Variants in MCF2 observed in about 807,000 individuals in gnomAD.
The protein encoded by MCF2 is proto-oncogene DBL.
Under a neutral mutation model 82.5 loss-of-function variants are expected in MCF2, and 44 were observed. The observed-to-expected ratio is 0.53, with a 90% CI of 0.42 to 0.69. The LOEUF is 0.69. Among genes scored for constraint, MCF2 ranks in the 30% least tolerant of loss-of-function variants. The probability of loss-of-function intolerance (pLI) is 0.00; values close to 1 mark genes in which losing one functional copy is unlikely to be tolerated. For missense variants in MCF2, 623 were observed against 663.1 expected (o/e 0.94, Z 0.66); for synonymous variants, 217 against 224.9 (o/e 0.96, Z 0.32).
intron 17 of MCF2, among the ~76,000 whole-genome samples, 173 bp downstream of exon 21, chrX:139,598,233 T>C (rs1233508245): frequency 8.9e-6 from 1 of 112,280 alleles, no homozygotes; most frequent in African/African-American, 3.2e-5. Context: ...GCCTATGGCA[T>C]TTGTAGCCAC....
intron 1 of MCF2, among the ~76,000 whole-genome samples, chrX:139,641,200 A>G (rs1038564294): frequency 1.0e-3 from 110 of 107,107 alleles, no homozygotes; most frequent in African/African-American, 3.0e-3. Context: ...ATATAAATAT[A>G]TGTATATATA....
At chrX:139,680,836 A>T (rs1330612847) in intron 1 of MCF2, among the ~76,000 whole-genome samples, 2 of 112,564 alleles carry the variant, frequency 1.8e-5, no homozygotes, top group Non-Finnish European at 3.7e-5. Flanking sequence ...AACATCTGCA[A>T]TGGTAAATCC....
chrX:139,677,821 A>G (rs1934907812), intron 1 of MCF2, among the ~76,000 whole-genome samples: 1 of 112,231 alleles, frequency 8.9e-6, no homozygotes. Flanking sequence ...AAAAATCCTG[A>G]AAAACCTTCT....
Position 139,614,790 on chromosome X carries a change from C to T in MCF2, c.1363+91G>A, listed in dbSNP as rs2076500. The T allele has an allele frequency of 0.021, 18,030 of 841,890 alleles. 1,043 individuals carry two copies. The East Asian group carries it at 0.22, about 10-fold the overall frequency. The allele number at this position is 841,890 out of a possible 1,213,427, so 69.4% of individuals were successfully genotyped here. ...TGCTAAAGTGAAATTTTCATCTATCCGCATTGAAGAATAAACTCAGTATTT... is the reference window on the plus strand; with the variant it reads ...TGCTAAAGTGAAATTTTCATCTATCTGCATTGAAGAATAAACTCAGTATTT... On this transcript the variant is annotated intron_variant, in intron 10 of 24. Transcript: ENST00000370576.
chrX:139,707,484 T>C (rs1159386381), intron 1 of MCF2, among the ~76,000 whole-genome samples: 1 of 111,626 alleles, frequency 9.0e-6, no homozygotes, highest in East Asian at 2.8e-4. Flanking sequence ...CCCGGCTACC[T>C]TCTGGGGACC....
chrX:139,651,152 GAACTGTACTCTTCAA>G (rs1417851054), intron 2 of MCF2, among the ~76,000 whole-genome samples: 1 of 98,892 alleles, frequency 1.0e-5, no homozygotes, highest in Non-Finnish European at 1.9e-5. Flanking sequence ...TAATGCCGCT[GAACTGTACTCTTCAA>G]AATGGTTAAA....
At chrX:139,707,884 G>A (rs1935620926) in intron 1 of MCF2, among the ~76,000 whole-genome samples, 1 of 111,969 alleles carries the variant, frequency 8.9e-6, no homozygotes, top group East Asian at 2.8e-4. Flanking sequence ...ACCCAAAGCA[G>A]GCTATTGCGG....
intron 1 of MCF2, among the ~76,000 whole-genome samples, chrX:139,668,305 G>A (rs896281948): frequency 1.8e-5 from 2 of 111,707 alleles, no homozygotes; most frequent in Admixed American, 9.5e-5. Context: ...AGGATACTGT[G>A]CAGTCTGTTA....
chrX:139,585,236 G>A, intron 23 of MCF2, 58 bp from the exon 28 acceptor site: 1 of 725,594 alleles, frequency 1.4e-6, no homozygotes, highest in Non-Finnish European at 2.1e-6. Flanking sequence ...ACCACAAGGT[G>A]AGAAGTAAAA....
At chrX:139,646,874 T>C (rs1428333891), upstream of MCF2, 1 of 1,183,359 alleles carries the variant, frequency 8.5e-7, no homozygotes, top group East Asian at 3.0e-5. Context: ...GGAAACGTAA[T>C]GATCCAAGCA....
At chrX:139,614,507 ATG>A (rs10578610) in intron 10 of MCF2, among the ~76,000 whole-genome samples, 3,231 of 102,859 alleles carry the variant, frequency 0.031, 99 homozygotes, top group African/African-American at 0.088. Context: ...AGCAGTAAAT[ATG>A]TGTGTGTGTG....
At chrX:139,690,752 T>C (rs1935243278) in intron 1 of MCF2, among the ~76,000 whole-genome samples, 1 of 111,698 alleles carries the variant, frequency 9.0e-6, no homozygotes, top group African/African-American at 3.3e-5. Flanking sequence ...TGCCACCAAG[T>C]CTATTTTTTG....
chrX:139,652,610 A>C (rs555893152), intron 1 of MCF2, among the ~76,000 whole-genome samples: 1 of 112,168 alleles, frequency 8.9e-6, no homozygotes, highest in Middle Eastern at 4.6e-3. Flanking sequence ...CCAAAAATCA[A>C]AGTACACTAC....
At position 139,677,958 on chromosome X, in the gene MCF2, T is replaced by A. The variant is rs373290007; in HGVS notation, c.-44-26170A>T. On this transcript the variant is annotated intron_variant, in intron 1 of 27. Coordinates refer to the MCF2 transcript ENST00000414978. ...CGTGCAGATCACTTGAGGTCAGGAG[T>A]TCAAGGGCAGCTGGGCCGACACAGT... 1.1e-4 allele frequency among the ~76,000 whole-genome samples: 12 copies of A among 109,617 alleles called. No homozygotes were observed. In the East Asian group the frequency reaches 3.2e-3, roughly 29 times the overall value.
At chrX:139,620,768 A>T (rs757009119) in intron 6 of MCF2, among the ~76,000 whole-genome samples, 1 of 111,912 alleles carries the variant, frequency 8.9e-6, no homozygotes, top group African/African-American at 3.2e-5. Context: ...AAGAATCACT[A>T]TCATTCAAAT....
At chrX:139,678,489 T>C (rs193227246) in intron 1 of MCF2, among the ~76,000 whole-genome samples, 1 of 112,300 alleles carries the variant, frequency 8.9e-6, no homozygotes, top group African/African-American at 3.2e-5. Flanking sequence ...ATTAAAATTT[T>C]TCATTTCTTT....
At chrX:139,631,034 T>C (rs1465350672) in intron 3 of MCF2, among the ~76,000 whole-genome samples, 2 of 112,069 alleles carry the variant, frequency 1.8e-5, no homozygotes, top group Non-Finnish European at 3.8e-5. Flanking sequence ...AGAGAGGTTA[T>C]GTATATTGAC....
At chrX:139,651,591 A>G in intron 2 of MCF2, 129 bp downstream of exon 2, 1 of 377,657 alleles carries the variant, frequency 2.6e-6, no homozygotes, top group Non-Finnish European at 4.7e-6. Flanking sequence ...TTATTGAAAT[A>G]GTGCTTCTCA....
intron 1 of MCF2, among the ~76,000 whole-genome samples, chrX:139,693,078 G>C (rs1335848132): frequency 9.0e-6 from 1 of 111,449 alleles, no homozygotes; most frequent in African/African-American, 3.3e-5. Context: ...TCCTTGCCCT[G>C]AACCCAAAGC....
Sources: gnomAD v4.1 joint callset for allele counts (sites outside exome capture counted in the v4.1 genomes callset) on GRCh38, gnomAD v4.1.1 for gene constraint, MANE v1.5 for transcripts, NCBI Gene and HGNC (gene_info 2026-07-23, HGNC 2026-07-21) for gene names.